Variants in MITF observed in about 807,000 individuals in gnomAD.
MITF encodes the protein microphthalmia-associated transcription factor.
A neutral mutation model predicts 60.5 loss-of-function variants in MITF; 17 were observed. The observed-to-expected ratio is 0.28, with a 90% CI of 0.19 to 0.42. The LOEUF is 0.42. MITF is among the 10% of genes least tolerant of loss of function. MITF has a pLI of 1.00. For synonymous variants in MITF, 260 were observed against 248.5 expected (o/e 1.05, Z -0.43); for missense variants, 622 against 683.5 (o/e 0.91, Z 1.00).
intron 1 of MITF, among the ~76,000 whole-genome samples, chr3:69,745,048 C>T (rs1421707488): frequency 1.3e-5 from 2 of 151,826 alleles, no homozygotes; most frequent in Admixed American, 6.6e-5. Flanking sequence ...ATGAGGTGAT[C>T]ATAATAAATA....
At chr3:69,810,183 G>T (rs1319996245) in intron 1 of MITF, among the ~76,000 whole-genome samples, 1 of 152,172 alleles carries the variant, frequency 6.6e-6, no homozygotes, top group African/African-American at 2.4e-5. Context: ...CAAAAGCTTA[G>T]TACAGATTTT....
chr3:69,858,881 A>T (rs1190505651), intron 1 of MITF, among the ~76,000 whole-genome samples: 3 of 152,144 alleles, frequency 2.0e-5, no homozygotes, highest in Non-Finnish European at 4.4e-5. Context: ...CTGACTTTTC[A>T]TTACCTAACA....
At position 69,938,063 on chromosome 3, in the gene MITF, C is replaced by G. The variant is rs373821028; in HGVS notation, c.582+14C>G. ...TGTGAAAAAGAGGTAATTCATGTCTCCTCTCCTCTCCTGTTTTCTTATGCT... is the reference window on the plus strand; with the variant it reads ...TGTGAAAAAGAGGTAATTCATGTCTGCTCTCCTCTCCTGTTTTCTTATGCT... On this transcript the variant is annotated intron_variant, in intron 3 of 9. Coordinates refer to ENST00000352241, the MANE Select transcript of MITF (RefSeq NM_001354604.2). 3 of 1,604,634 alleles carry G rather than the reference C, an allele frequency of 1.9e-6. No individual in the cohort carries two copies. Among genetic ancestry groups the G allele is most frequent in the Non-Finnish European group, 2.6e-6 (3 of 1,171,556 alleles).
chr3:69,837,997 G>T (rs1044113840), intron 1 of MITF, among the ~76,000 whole-genome samples: 3 of 152,098 alleles, frequency 2.0e-5, no homozygotes, highest in African/African-American at 7.2e-5. Context: ...CATTCAAATT[G>T]CCAGCAGTGA....
intron 1 of MITF, among the ~76,000 whole-genome samples, chr3:69,753,492 C>A (rs1704012872): frequency 6.6e-6 from 1 of 152,230 alleles, no homozygotes; most frequent in African/African-American, 2.4e-5. Context: ...CTGCCATCCT[C>A]CAGACCCCAG....
chr3:69,956,050 G>A (rs1197889902), intron 7 of MITF, among the ~76,000 whole-genome samples: 1 of 152,188 alleles, frequency 6.6e-6, no homozygotes, highest in Non-Finnish European at 1.5e-5. Context: ...AAAGCCAGAA[G>A]TACTAACTTC....
chr3:69,921,747 A>C (rs998407606), intron 2 of MITF, among the ~76,000 whole-genome samples: 1 of 152,194 alleles, frequency 6.6e-6, no homozygotes, highest in Non-Finnish European at 1.5e-5. Context: ...GGGCTTGACT[A>C]GTTTCTGTGC....
chr3:69,841,595 C>G (rs9825799), intron 1 of MITF, among the ~76,000 whole-genome samples: 75,798 of 152,088 alleles, frequency 0.5, 20,548 homozygotes, highest in Non-Finnish European at 0.63. Flanking sequence ...CCTCTTAGTG[C>G]TTAAGCACAG....
At chr3:69,958,790 G>C (rs1211332451) in intron 8 of MITF, among the ~76,000 whole-genome samples, 1 of 152,198 alleles carries the variant, frequency 6.6e-6, no homozygotes, top group East Asian at 1.9e-4. Context: ...GTGTGGCCTA[G>C]GACAAGTTGA....
chr3:69,774,436 G>A (rs1039170116), intron 1 of MITF, among the ~76,000 whole-genome samples: 4 of 152,196 alleles, frequency 2.6e-5, no homozygotes, highest in African/African-American at 9.6e-5. Flanking sequence ...ACCCCAGGTA[G>A]CAGGATGGCT....
At chr3:69,742,051 A>G (rs1220756960) in intron 1 of MITF, among the ~76,000 whole-genome samples, 2 of 151,734 alleles carry the variant, frequency 1.3e-5, no homozygotes, top group African/African-American at 4.9e-5. Context: ...GCTTCTTACC[A>G]CCTCCTCTGC....
chr3:69,826,116 G>A (rs995808786), intron 1 of MITF, among the ~76,000 whole-genome samples: 3 of 152,118 alleles, frequency 2.0e-5, no homozygotes, highest in African/African-American at 7.2e-5. Flanking sequence ...ATGATTTATT[G>A]ACAAACTGGA....
rs529938331 is a variant in MITF at position 69,857,258 on chromosome 3, T to C, written c.105-21876T>C. On this transcript the variant is annotated intron_variant, in intron 1 of 9. Transcript: ENST00000352241. The stretch of plus-strand genomic sequence containing the variant: ...TACAAAAACTTGGAACAGAGAACCA[T>C]AGAGAGGAAAGTGTGGGCTCTGGAG... Among the ~76,000 whole-genome samples the C allele has an allele frequency of 8.5e-5, 13 of 152,232 alleles. No homozygotes were observed. The East Asian group carries it at 1.5e-3, about 18-fold the overall frequency.
chr3:69,892,191 A>T (rs1277236790), intron 2 of MITF, among the ~76,000 whole-genome samples: 4 of 152,222 alleles, frequency 2.6e-5, no homozygotes, highest in Non-Finnish European at 5.9e-5. Flanking sequence ...CCTGATCAAC[A>T]AAAACCAAAG....
chr3:69,761,793 G>A (rs2062216045), intron 1 of MITF, among the ~76,000 whole-genome samples: 1 of 152,118 alleles, frequency 6.6e-6, no homozygotes, highest in Non-Finnish European at 1.5e-5. Flanking sequence ...CATTCACAAG[G>A]GTGTGGTATA....
At chr3:69,845,385 C>T (rs1000246617) in intron 1 of MITF, among the ~76,000 whole-genome samples, 21 of 150,920 alleles carry the variant, frequency 1.4e-4, no homozygotes, top group African/African-American at 4.6e-4. Flanking sequence ...GATTCTAGTA[C>T]CATTCAGAGC....
intron 1 of MITF, among the ~76,000 whole-genome samples, chr3:69,852,677 A>C (rs1185932325): frequency 6.6e-6 from 1 of 152,188 alleles, no homozygotes; most frequent in African/African-American, 2.4e-5. Flanking sequence ...TTGGGTTAAG[A>C]AATGGAATTA....
chr3:69,936,686 C>T (rs764708707), intron 2 of MITF: 75 of 1,612,300 alleles, frequency 4.7e-5, no homozygotes, highest in Middle Eastern at 1.6e-4. Context: ...GATAGTCTAC[C>T]GTCTCTCACT....
At chr3:69,863,956 T>A (rs2064063579) in intron 1 of MITF, among the ~76,000 whole-genome samples, 1 of 152,238 alleles carries the variant, frequency 6.6e-6, no homozygotes, top group Admixed American at 6.5e-5. Flanking sequence ...ATTTTTCATT[T>A]GTTTTTTTCA....
Sources: gnomAD v4.1 joint callset for allele counts (sites outside exome capture counted in the v4.1 genomes callset) on GRCh38, gnomAD v4.1.1 for gene constraint, MANE v1.5 for transcripts, NCBI Gene and HGNC (gene_info 2026-07-23, HGNC 2026-07-21) for gene names.